Variants in TMEM132E observed in about 807,000 individuals in gnomAD.
TMEM132E encodes the protein transmembrane protein 132E.
Under a neutral mutation model 78.5 loss-of-function variants are expected in TMEM132E, and 49 were observed. The observed-to-expected ratio is 0.62, with a 90% CI of 0.50 to 0.79. The LOEUF (loss-of-function observed/expected upper bound fraction) is 0.79, where lower values mean the gene tolerates loss of function less well. Among genes scored for constraint, TMEM132E ranks in the 30% least tolerant of loss-of-function variants. TMEM132E has a pLI of 0.00. For missense variants in TMEM132E, 1,403 were observed against 1,470.9 expected, an observed-to-expected ratio of 0.95 and a Z score of 0.75; for synonymous variants, 715 against 670.6, an observed-to-expected ratio of 1.07 and a Z score of -1.02.
Position 34,580,209 on chromosome 17 carries a change from A to C in TMEM132E, c.-868A>C, listed in dbSNP as rs1370558587. 1 of 152,372 alleles carries C rather than the reference A, an allele frequency of 6.6e-6. No homozygotes were observed. The highest frequency in any genetic ancestry group is 2.4e-5 in the African/African-American group (1 of 41,456). 9.4% of individuals were successfully genotyped at this position (152,372 alleles called of 1,614,324 possible). On this transcript the variant is annotated 5_prime_UTR_variant, in exon 1 of 9. The change abolishes the stop of an existing upstream ORF in the 5' untranslated region. Coordinates refer to ENST00000631683, the MANE Select transcript of TMEM132E (RefSeq NM_001304438.2). The stretch of plus-strand genomic sequence containing the variant: ...GGAAGGGCTCGGGGCAGGGCGCATT[A>C]GCCGGCTTTCTCGCTCCCTCGCTTC...
intron 1 of TMEM132E, among the ~76,000 whole-genome samples, chr17:34,623,407 C>A (rs567623120): frequency 1.5e-4 from 22 of 150,714 alleles, no homozygotes; most frequent in East Asian, 5.9e-4. Context: ...CCGCTCCCCC[C>A]CCCCCCCCCG....
At position 34,637,878 on chromosome 17, in the gene TMEM132E, G is replaced by T. The variant is rs140659696; in HGVS notation, c.2871G>T (p.Pro957=). Residue 957 remains proline, a synonymous_variant, in exon 9 of 9, where the codon CCG becomes CCT. Coordinates refer to ENST00000631683, the MANE Select transcript of TMEM132E (RefSeq NM_001304438.2). ...AGCTGTCGCCGCCAGCAGGCAACCCGCTGGAAACCGTGCCCGCCTTCTGCC... is the reference window on the plus strand; with the variant it reads ...AGCTGTCGCCGCCAGCAGGCAACCCTCTGGAAACCGTGCCCGCCTTCTGCC... ...QGELSPPAGN[P]LETVPAFCHG... is the part of the protein sequence containing the mutation. 3.4e-4 allele frequency: 552 copies of T among 1,608,096 alleles called. 3 individuals carry two copies. In the African/African-American group the frequency reaches 6.6e-3, roughly 19 times the overall value.
Position 34,620,454 on chromosome 17 carries a change from G to T in TMEM132E, c.68-5673G>T, listed in dbSNP as rs1048379450. ...ACCTCTCCTTCAGCCAGCTGACCTT[G>T]TACTACGCAAAGCTGGTCCAGCCCC... is the stretch of plus-strand genomic sequence containing the variant. On this transcript the variant is annotated intron_variant, in intron 1 of 8. Transcript: ENST00000631683. 2.6e-5 allele frequency among the ~76,000 whole-genome samples: 4 copies of T among 152,236 alleles called. No homozygotes were observed. The South Asian group carries it at 8.3e-4, about 32-fold the overall frequency.
Position 34,638,209 on chromosome 17 carries a change from C to T in TMEM132E, c.3202C>T (p.Arg1068Cys), listed in dbSNP as rs374903367. The T allele has an allele frequency of 2.5e-6, 4 of 1,598,466 alleles. No individual in the cohort carries two copies. Among genetic ancestry groups the T allele is most frequent in the Non-Finnish European group, 2.6e-6 (3 of 1,174,102 alleles). The change falls in exon 9 of 9, where the codon CGC becomes TGC. Residue 1068 changes from arginine (R) to cysteine (C), a missense_variant. By Grantham distance (180) the Arg-to-Cys change is radical. Around this residue, in one of 3 missense-constraint regions of TMEM132E, gnomAD observed 888 missense variants for 952.8 expected, o/e 0.93. Coordinates refer to ENST00000631683, the MANE Select transcript of TMEM132E (RefSeq NM_001304438.2). ...ACCCCCGGACCTGCACAATTACATGCGCAGAATCAAAGAGATTGCATAGAG... is the reference window on the plus strand; with the variant it reads ...ACCCCCGGACCTGCACAATTACATGTGCAGAATCAAAGAGATTGCATAGAG... ...TAPPDLHNYM[R>C]RIKEIA
chr17:34,636,588 T>A (rs2142088178), intron 8 of TMEM132E, among the ~76,000 whole-genome samples: 2 of 151,868 alleles, frequency 1.3e-5, no homozygotes, highest in South Asian at 4.2e-4. Flanking sequence ...AGGTGACAGG[T>A]GAGAGTCCTG....
At chr17:34,581,754 G>A (rs1905491774) in intron 1 of TMEM132E, among the ~76,000 whole-genome samples, 1 of 152,002 alleles carries the variant, frequency 6.6e-6, no homozygotes, top group African/African-American at 2.4e-5. Flanking sequence ...CACAGGCCGG[G>A]GCGGTGGGCC....
chr17:34,622,518 T>A (rs1170007029), intron 1 of TMEM132E, among the ~76,000 whole-genome samples: 1 of 152,172 alleles, frequency 6.6e-6, no homozygotes, highest in Non-Finnish European at 1.5e-5. Flanking sequence ...ACAGGTTACT[T>A]CCCCTTCCAG....
intron 1 of TMEM132E, among the ~76,000 whole-genome samples, chr17:34,617,385 T>A (rs1179238399): frequency 6.6e-6 from 1 of 152,218 alleles, no homozygotes; most frequent in Non-Finnish European, 1.5e-5. Context: ...GTACTTGTCT[T>A]ATTTAACTTA....
Position 34,637,946 on chromosome 17 carries a change from A to T in TMEM132E, c.2939A>T (p.Gln980Leu). ...HSSGSSQTSV[Q>L]SQVHGRGDGS... ...AGCGGCAGCTCGCAGACCAGCGTCCAGAGCCAGGTGCACGGCAGGGGCGAC... is the reference window on the plus strand; with the variant it reads ...AGCGGCAGCTCGCAGACCAGCGTCCTGAGCCAGGTGCACGGCAGGGGCGAC... Residue 980 changes from glutamine to leucine, a missense_variant, in exon 9 of 9, where the codon CAG becomes CTG. Gln to Leu is a moderately radical substitution (Grantham distance 113, BLOSUM62 -2). Coordinates refer to ENST00000631683, the MANE Select transcript of TMEM132E (RefSeq NM_001304438.2). 1 of 1,606,650 alleles carries T rather than the reference A, an allele frequency of 6.2e-7. No homozygotes were observed. Among genetic ancestry groups the T allele is most frequent in the Non-Finnish European group, 8.5e-7 (1 of 1,177,950 alleles).
In TMEM132E at chr17:34,580,966, G is replaced by C. The variant is rs1346368457; in HGVS notation, c.-111G>C. ...ACTCTCTGGTCCCGGAGCTGCATCT[G>C]AGACAGCCGGGCGCCACGGCAGCCC... On this transcript the variant is annotated 5_prime_UTR_variant, in exon 1 of 9. Coordinates refer to ENST00000631683, the MANE Select transcript of TMEM132E (RefSeq NM_001304438.2). The C allele has an allele frequency of 1.6e-5, 13 of 823,750 alleles. No individual in the cohort carries two copies. The highest frequency in any genetic ancestry group is 3.6e-6 in the Non-Finnish European group (2 of 552,794). The allele number at this position is 823,750 out of a possible 1,614,324, so 51.0% of individuals were successfully genotyped here.
At chr17:34,613,133 G>A (rs1181801744) in intron 1 of TMEM132E, among the ~76,000 whole-genome samples, 1 of 146,460 alleles carries the variant, frequency 6.8e-6, no homozygotes, top group Non-Finnish European at 1.5e-5. Flanking sequence ...ACCCACTGCA[G>A]GCCTATGGTG....
chr17:34,620,486 C>T (rs1217530420), intron 1 of TMEM132E, among the ~76,000 whole-genome samples: 2 of 152,246 alleles, frequency 1.3e-5, no homozygotes, highest in African/African-American at 2.4e-5. Context: ...CCCCAGTGTA[C>T]ACCAATATCC....
chr17:34,628,892 C>T, intron 3 of TMEM132E, 120 bp from the exon 4 acceptor site: 1 of 1,396,300 alleles, frequency 7.2e-7, no homozygotes. Context: ...TGGAGAAGGC[C>T]CAGAGGGCCC....
chr17:34,604,122 T>G (rs994983370), intron 1 of TMEM132E, among the ~76,000 whole-genome samples: 1 of 152,188 alleles, frequency 6.6e-6, no homozygotes, highest in African/African-American at 2.4e-5. Context: ...CAACAGTACT[T>G]GTACTGTCTT....
At chr17:34,632,564 G>A in intron 5 of TMEM132E, 140 bp from the exon 6 acceptor site, 1 of 776,806 alleles carries the variant, frequency 1.3e-6, no homozygotes, top group Non-Finnish European at 2.2e-6. Flanking sequence ...AGAGGAATCA[G>A]TGCTTCCTTC....
chr17:34,623,423 C>T (rs1480351062), intron 1 of TMEM132E, among the ~76,000 whole-genome samples: 1 of 148,480 alleles, frequency 6.7e-6, no homozygotes, highest in East Asian at 2.0e-4. Flanking sequence ...CCCCGTCCCT[C>T]TACAGCCTGG....
chr17:34,584,686 G>A (rs1905604091), intron 1 of TMEM132E, among the ~76,000 whole-genome samples: 1 of 152,200 alleles, frequency 6.6e-6, no homozygotes. Context: ...GTTGAAAAGG[G>A]AGCTCTGGGG....
chr17:34,635,072 C>T lies in TMEM132E; in HGVS notation c.1962C>T (p.Gly654=). The change falls in exon 7 of 9, where the codon GGC becomes GGT. Residue 654 remains glycine (G), a synonymous_variant. Transcript: ENST00000631683. The part of the protein sequence containing the change: ...DSSTLAGLEP[G]TTPFKVVSPL... ...GCACGCTGGCAGGACTGGAGCCAGGCACCACCCCCTTTAAGGTAGGTATGG... is the reference window on the plus strand; with the variant it reads ...GCACGCTGGCAGGACTGGAGCCAGGTACCACCCCCTTTAAGGTAGGTATGG... 6.2e-7 allele frequency: 1 copy of T among 1,612,908 alleles called. No individual in the cohort carries two copies. The highest frequency in any genetic ancestry group is 1.3e-5 in the African/African-American group (1 of 75,020).
Position 34,580,882 on chromosome 17 carries a change from C to G in TMEM132E, c.-195C>G. 2.2e-6 allele frequency: 1 copy of G among 464,526 alleles called. No individual in the cohort carries two copies. The highest frequency in any genetic ancestry group is 3.8e-6 in the Non-Finnish European group (1 of 262,488). 28.8% of individuals were successfully genotyped at this position (464,526 alleles called of 1,614,324 possible). A position where few individuals can be genotyped will look rare whatever the true frequency, so the allele number is the denominator to read the frequency against. On this transcript the variant is annotated 5_prime_UTR_variant, in exon 1 of 9. Transcript: ENST00000631683. ...CCCGGAGCTGCGCCCCCACCGGCTC[C>G]GAGGGTGTAGCCGCCAGCGCCTGGG... is the stretch of plus-strand genomic sequence containing the variant.
Sources: allele counts gnomAD v4.1 joint callset (sites outside exome capture counted in the v4.1 genomes callset), GRCh38; gene constraint gnomAD v4.1.1; regional missense constraint gnomAD v4.1.1; transcripts MANE v1.5; gene names NCBI Gene and HGNC (gene_info 2026-07-23, HGNC 2026-07-21).